The following RGS6 variants were observed in gnomAD, a reference collection of about 807,000 sequenced individuals.
RGS6 encodes regulator of G-protein signaling 6.
Under a neutral mutation model 78.5 loss-of-function variants are expected in RGS6, and 30 were observed. That is an observed-to-expected ratio of 0.38 (90% CI 0.29 to 0.52). The LOEUF (loss-of-function observed/expected upper bound fraction) is 0.52, where lower values mean the gene tolerates loss of function less well. RGS6 is among the 20% of genes least tolerant of loss of function. RGS6 has a pLI of 0.85. For missense variants in RGS6, 495 were observed against 609.7 expected, an observed-to-expected ratio of 0.81 and a Z score of 1.98; for synonymous variants, 206 against 206.0, an observed-to-expected ratio of 1.00 and a Z score of 0.00.
intron 3 of RGS6, chr14:72,421,510 A>T (rs2094179517): frequency 6.6e-6 from 1 of 152,144 alleles, no homozygotes; most frequent in Admixed American, 6.5e-5. Flanking sequence ...CCCCAGGCTG[A>T]CCTAACACAC....
At chr14:72,317,683 T>G (rs1051323826) in intron 2 of RGS6, among the ~76,000 whole-genome samples, 1 of 152,186 alleles carries the variant, frequency 6.6e-6, no homozygotes, top group African/African-American at 2.4e-5. Context: ...ACCGAGTCTG[T>G]TATAAGCTTT....
At chr14:71,878,906 G>T in the RGS6 span, among the ~76,000 whole-genome samples, 1 of 152,170 alleles carries the variant, frequency 6.6e-6, no homozygotes, top group South Asian at 2.1e-4. Flanking sequence ...TAGGGGTGCT[G>T]ATGTACAATT....
chr14:72,383,213 T>TATATATATACATATATATAC (rs1387301746), intron 3 of RGS6, among the ~76,000 whole-genome samples: 2 of 118,336 alleles, frequency 1.7e-5, no homozygotes, highest in African/African-American at 6.3e-5. Context: ...TATATATATA[T>TATATATATACATATATATAC]ACACACAAAC....
intron 2 of RGS6, among the ~76,000 whole-genome samples, chr14:72,296,035 C>A (rs1013164975): frequency 1.3e-5 from 2 of 152,176 alleles, no homozygotes; most frequent in African/African-American, 4.8e-5. Context: ...TCTTTCCCAC[C>A]CAGAAGCAAT....
chr14:72,341,422 G>A lies in RGS6; in HGVS notation c.85-10673G>A, dbSNP rs2076967780. On this transcript the variant is annotated intron_variant, in intron 2 of 17. Transcript: ENST00000553525. ...CAATTCAACATGAGATTTGGGTGGGGACACAGGGCCAAACCATAGTAACAT... is the reference window on the plus strand; with the variant it reads ...CAATTCAACATGAGATTTGGGTGGGAACACAGGGCCAAACCATAGTAACAT... 2.0e-5 allele frequency among the ~76,000 whole-genome samples: 3 copies of A among 152,186 alleles called. No individual in the cohort carries two copies. The South Asian group carries it at 6.2e-4, about 32-fold the overall frequency.
chr14:72,019,116 A>G (rs1407705973), intron 2 of RGS6, among the ~76,000 whole-genome samples: 2 of 152,304 alleles, frequency 1.3e-5, no homozygotes, highest in East Asian at 1.9e-4. Flanking sequence ...AGCTCATGCC[A>G]TTCTTATAGA....
intron 2 of RGS6, among the ~76,000 whole-genome samples, chr14:72,149,585 GA>G (rs2096655261): frequency 6.6e-6 from 1 of 152,138 alleles, no homozygotes; most frequent in Non-Finnish European, 1.5e-5. Context: ...AATTATGGTG[GA>G]GCCCAAATTT....
At chr14:71,886,786 A>G in the RGS6 span, among the ~76,000 whole-genome samples, 5 of 152,226 alleles carry the variant, frequency 3.3e-5, 1 homozygote, top group South Asian at 8.3e-4. Flanking sequence ...GGAAGGGCAT[A>G]TCAGTTAGAG....
intron 2 of RGS6, among the ~76,000 whole-genome samples, chr14:72,328,553 T>C (rs2074299968): frequency 6.6e-6 from 1 of 151,538 alleles, no homozygotes; most frequent in Non-Finnish European, 1.5e-5. Context: ...GTGAAGGGGG[T>C]AGGCATGACT....
At chr14:72,579,531 T>C in the RGS6 span, among the ~76,000 whole-genome samples, 1 of 152,176 alleles carries the variant, frequency 6.6e-6, no homozygotes, top group Non-Finnish European at 1.5e-5. Context: ...AAGGGAAGCC[T>C]GTGGACCTGT....
intron 2 of RGS6, among the ~76,000 whole-genome samples, chr14:72,294,314 A>G (rs1386737827): frequency 3.9e-5 from 6 of 152,234 alleles, no homozygotes; most frequent in Non-Finnish European, 8.8e-5. Flanking sequence ...GCCTTAGCCC[A>G]CATCTACAGA....
At chr14:72,443,396 A>C (rs1400034801) in intron 3 of RGS6, among the ~76,000 whole-genome samples, 1 of 152,188 alleles carries the variant, frequency 6.6e-6, no homozygotes, top group Non-Finnish European at 1.5e-5. Flanking sequence ...CTCCGTTCCA[A>C]AGTGGTGGCA....
intron 2 of RGS6, among the ~76,000 whole-genome samples, chr14:72,313,526 T>G (rs1039130137): frequency 1.3e-5 from 2 of 152,240 alleles, no homozygotes; most frequent in African/African-American, 2.4e-5. Context: ...TTACACTTCC[T>G]GCCACAGTTT....
intron 2 of RGS6, among the ~76,000 whole-genome samples, chr14:72,087,269 T>A (rs1470984006): frequency 1.3e-5 from 2 of 152,120 alleles, no homozygotes; most frequent in African/African-American, 4.8e-5. Context: ...TAGCTAGGAT[T>A]ACAGGTGCAT....
Position 72,436,362 on chromosome 14 carries a change from C to T in RGS6, c.185-18166C>T, listed in dbSNP as rs564290170. On this transcript the variant is annotated intron_variant, in intron 3 of 17. Transcript: ENST00000553525. ...TAAACTGCAAGGCTGGTTCTCTCAGCCTACTACCCTGCCTAAGGAACAGAT... is the reference window on the plus strand; with the variant it reads ...TAAACTGCAAGGCTGGTTCTCTCAGTCTACTACCCTGCCTAAGGAACAGAT... 3.9e-5 allele frequency among the ~76,000 whole-genome samples: 6 copies of T among 152,244 alleles called. No individual in the cohort carries two copies. In the East Asian group the frequency reaches 9.7e-4, roughly 24 times the overall value.
chr14:72,509,909 T>C (rs1320110837), intron 13 of RGS6, among the ~76,000 whole-genome samples: 1 of 152,224 alleles, frequency 6.6e-6, no homozygotes, highest in African/African-American at 2.4e-5. Context: ...AGCAGCCATT[T>C]GAAGGGCATG....
intron 2 of RGS6, among the ~76,000 whole-genome samples, chr14:72,226,848 G>A (rs138235960): frequency 6.6e-6 from 1 of 152,300 alleles, no homozygotes; most frequent in African/African-American, 2.4e-5. Flanking sequence ...ACCATGCCTG[G>A]CTAATTTTTT....
intron 3 of RGS6, among the ~76,000 whole-genome samples, chr14:72,419,572 C>T (rs767552604): frequency 7.2e-5 from 11 of 152,332 alleles, no homozygotes; most frequent in South Asian, 6.2e-4. Context: ...TGTCTGTGCA[C>T]ATGTGACTGT....
chr14:72,420,177 T>G (rs1229453335), intron 3 of RGS6, among the ~76,000 whole-genome samples: 1 of 152,246 alleles, frequency 6.6e-6, no homozygotes, highest in Non-Finnish European at 1.5e-5. Context: ...TTCTTTGCAC[T>G]GATCTCCTGG....
Sources: gnomAD v4.1 joint callset for allele counts (sites outside exome capture counted in the v4.1 genomes callset) on GRCh38, gnomAD v4.1.1 for gene constraint, MANE v1.5 for transcripts, NCBI Gene and HGNC (gene_info 2026-07-23, HGNC 2026-07-21) for gene names.